The following SPON2 variants were observed in gnomAD, a reference collection of about 807,000 sequenced individuals.
The protein encoded by SPON2 is spondin-2.
Under a neutral mutation model 29.9 loss-of-function variants are expected in SPON2, and 32 were observed. That is an observed-to-expected ratio of 1.07 (90% confidence interval 0.81 to 1.44). The LOEUF is 1.44. Ranked by LOEUF, SPON2 falls within the 40% of genes most tolerant of loss-of-function variation. The pLI is 0.00. For missense variants in SPON2, 541 were observed against 455.5 expected, an observed-to-expected ratio of 1.19 and a Z score of -1.71; for synonymous variants, 248 against 209.1, an observed-to-expected ratio of 1.19 and a Z score of -1.61.
At chr4:1,183,197 G>A (rs961906297) in intron 1 of SPON2, among the ~76,000 whole-genome samples, 7 of 142,130 alleles carry the variant, frequency 4.9e-5, no homozygotes, top group African/African-American at 1.3e-4. Flanking sequence ...AGCAGAGATC[G>A]CACCACTGCA....
At chr4:1,172,140 A>G in intron 1 of SPON2, 66 bp from the exon 2 acceptor site, 1 of 1,436,430 alleles carries the variant, frequency 7.0e-7, no homozygotes. Flanking sequence ...TGGAAAGCCG[A>G]GAGGGCTGCG....
chr4:1,179,000 C>G (rs535258746), intron 2 of SPON2, among the ~76,000 whole-genome samples: 5 of 152,312 alleles, frequency 3.3e-5, no homozygotes, highest in South Asian at 2.1e-4. Flanking sequence ...ATTGGCAGAG[C>G]CTGAATCAGG....
rs1400465414 is a variant in SPON2 at position 1,171,063 on chromosome 4, G to T, written c.572C>A (p.Thr191Lys). 1 of 1,549,850 alleles carries T rather than the reference G, an allele frequency of 6.5e-7. No homozygotes were observed. The highest frequency in any genetic ancestry group is 2.0e-5 in the Admixed American group (1 of 50,764). ...ALDLYPYDAGTDSGFTFSSPN... is the reference protein window; with the variant it reads ...ALDLYPYDAGKDSGFTFSSPN... ...GGAGGAGAAGGTGAAGCCGCTGTCC[G>T]TCCCGGCGTCGTAGGGGTACAGGTC... Residue 191 changes from threonine (T) to lysine (K), a missense_variant, in exon 4 of 6, where the codon ACG becomes AAG. Physicochemically the swap from Thr to Lys is moderately conservative, Grantham distance 78. Transcript: ENST00000290902.
At chr4:1,193,988 G>A (rs1369305669) in intron 1 of SPON2, among the ~76,000 whole-genome samples, 4 of 151,908 alleles carry the variant, frequency 2.6e-5, no homozygotes, top group Non-Finnish European at 5.9e-5. Flanking sequence ...CCTCTTCTTT[G>A]GACGAGGCTG....
chr4:1,190,459 C>G (rs1727891633), intron 1 of SPON2, among the ~76,000 whole-genome samples: 1 of 152,148 alleles, frequency 6.6e-6, no homozygotes, highest in Non-Finnish European at 1.5e-5. Flanking sequence ...TACCCTGATA[C>G]CAAAACTAGA....
chr4:1,167,879 A>G (rs1727298763), intron 5 of SPON2: 1 of 468,190 alleles, frequency 2.1e-6, no homozygotes, highest in South Asian at 4.5e-5. Context: ...TTTCTACGTA[A>G]GAGCCGGAGC....
chr4:1,171,036 G>C lies in SPON2; in HGVS notation c.599C>G (p.Pro200Arg). 2 of 1,549,324 alleles carry C rather than the reference G, an allele frequency of 1.3e-6. No individual in the cohort carries two copies. Among genetic ancestry groups the C allele is most frequent in the Non-Finnish European group, 1.7e-6 (2 of 1,146,160 alleles). ...GTCCTGCGGGATGGTGGCGAAGTTG[G>C]GGGAGGAGAAGGTGAAGCCGCTGTC... ...GTDSGFTFSSPNFATIPQDTV... is the reference protein window; with the variant it reads ...GTDSGFTFSSRNFATIPQDTV... The change falls in exon 4 of 6, where the codon CCC becomes CGC. Residue 200 changes from proline (P) to arginine (R), a missense_variant. Transcript: ENST00000290902.
chr4:1,167,326 A>G lies in SPON2; in HGVS notation c.*146T>C. ...CGTGCCGGCCACCAGAGGGCCCTTC[A>G]GTGCAGAGATGGTCGGCGCGGCCTC... On this transcript the variant is annotated 3_prime_UTR_variant, in exon 6 of 6. Coordinates refer to ENST00000290902, the MANE Select transcript of SPON2 (RefSeq NM_012445.4). The G allele has an allele frequency of 3.9e-6, 3 of 771,838 alleles. No individual in the cohort carries two copies. Among genetic ancestry groups the G allele is most frequent in the Non-Finnish European group, 6.0e-6 (3 of 496,490 alleles). 47.8% of individuals were successfully genotyped at this position (771,838 alleles called of 1,614,324 possible). A position where few individuals can be genotyped will look rare whatever the true frequency, so the allele number is the denominator to read the frequency against.
intron 1 of SPON2, among the ~76,000 whole-genome samples, chr4:1,185,708 C>CCAAAAAAA (rs764779944): frequency 4.3e-5 from 3 of 69,648 alleles, no homozygotes; most frequent in Middle Eastern, 9.4e-3. Flanking sequence ...ACTCCATCTC[C>CCAAAAAAA]AAAAAAAAAA....
At chr4:1,181,801 T>A (rs1560206374) in intron 1 of SPON2, among the ~76,000 whole-genome samples, 1 of 152,250 alleles carries the variant, frequency 6.6e-6, no homozygotes, top group Non-Finnish European at 1.5e-5. Flanking sequence ...GGTGTTCTGA[T>A]TGCTGATTGC....
At chr4:1,197,369 C>A (rs936129838), upstream of SPON2, among the ~76,000 whole-genome samples, 3 of 152,134 alleles carry the variant, frequency 2.0e-5, no homozygotes, top group East Asian at 5.8e-4. Context: ...ACGGAAAGTG[C>A]CACCTCTTCC....
At chr4:1,191,463 ATGTATAAAATTGAT>A (rs1318965476) in intron 1 of SPON2, among the ~76,000 whole-genome samples, 1 of 152,178 alleles carries the variant, frequency 6.6e-6, no homozygotes, top group Admixed American at 6.5e-5. Context: ...AAAATTAACC[ATGTATAAAATTGAT>A]CAAAGACCTA....
At position 1,172,047 on chromosome 4, in the gene SPON2, C is replaced by T. The variant is rs1020275929; in HGVS notation, c.25G>A (p.Ala9Thr). MENPSPAA[A>T]LGKALCALLL... ...AGAGCGCAGAGGGCCTTGCCCAGGG[C>T]GGCGGCCGGGCTGGGGTTTTCCATC... Residue 9 changes from alanine to threonine, a missense_variant, in exon 2 of 6, where the codon GCC (alanine) becomes ACC (threonine). Ala to Thr is a moderately conservative substitution (Grantham distance 58). Coordinates refer to ENST00000290902, the MANE Select transcript of SPON2 (RefSeq NM_012445.4). The T allele has an allele frequency of 3.7e-6, 6 of 1,611,750 alleles. No homozygotes were observed. Among genetic ancestry groups the T allele is most frequent in the Admixed American group, 3.3e-5 (2 of 59,954 alleles).
At chr4:1,200,517 C>G in intron 1 of SPON2, 1 of 305,864 alleles carries the variant, frequency 3.3e-6, no homozygotes, top group Non-Finnish European at 6.4e-6. Context: ...AGCCTCTGCG[C>G]TTCTGCCTCC....
intron 2 of SPON2, among the ~76,000 whole-genome samples, chr4:1,178,949 C>T (rs1007907517): frequency 2.6e-5 from 4 of 152,166 alleles, no homozygotes; most frequent in African/African-American, 9.7e-5. Flanking sequence ...TGCCCACATG[C>T]CTCCATTCTG....
rs76624579 is a variant in SPON2 at position 1,181,636 on chromosome 4, A to G, written c.-238-2095T>C. 4.6e-5 allele frequency among the ~76,000 whole-genome samples: 7 copies of G among 152,318 alleles called. No individual in the cohort carries two copies. The East Asian group carries it at 1.3e-3, about 29-fold the overall frequency. On this transcript the variant is annotated intron_variant, in intron 1 of 3. Coordinates refer to the SPON2 transcript ENST00000502483. ...GCTTCCAGGAGTAGGTTTGGAGGCAAAATGCAGTTAATTTTGGCACAACAG... is the reference window on the plus strand; with the variant it reads ...GCTTCCAGGAGTAGGTTTGGAGGCAGAATGCAGTTAATTTTGGCACAACAG...
chr4:1,195,561 G>A (rs552988722), upstream of SPON2, among the ~76,000 whole-genome samples: 3 of 152,190 alleles, frequency 2.0e-5, no homozygotes, highest in South Asian at 6.2e-4. Flanking sequence ...CATGTGGGTA[G>A]GCACTGCCGC....
Position 1,170,397 on chromosome 4 carries a change from G to C in SPON2, c.811+5C>G, listed in dbSNP as rs199773178. 3.1e-6 allele frequency: 5 copies of C among 1,611,506 alleles called. No individual in the cohort carries two copies. In the Admixed American group the frequency reaches 6.8e-5, roughly 22 times the overall value. On this transcript the variant is annotated splice_donor_5th_base_variant and intron_variant, in intron 5 of 5. Coordinates refer to ENST00000290902, the MANE Select transcript of SPON2 (RefSeq NM_012445.4). ...TGTGTCCCATGTGACCTGTATGTCC[G>C]TTACCTGAGGCGCTGTCTACAATCT... is the stretch of plus-strand genomic sequence containing the variant.
chr4:1,170,514 C>T lies in SPON2; in HGVS notation c.699G>A (p.Leu233=), dbSNP rs752314464. 7.4e-6 allele frequency: 12 copies of T among 1,613,986 alleles called. No homozygotes were observed. Among genetic ancestry groups the T allele is most frequent in the Middle Eastern group, 1.7e-4 (1 of 6,060 alleles). The change falls in exon 5 of 6, where the codon CTG becomes CTA. Residue 233 remains leucine, a synonymous_variant. Coordinates refer to ENST00000290902, the MANE Select transcript of SPON2 (RefSeq NM_012445.4). The stretch of plus-strand genomic sequence containing the variant: ...CCAGTGTCACCCTGGCGATGGGAGG[C>T]AGGGCCTTCAGCCGCGGGTAGTAGA... ...NSFYYPRLKA[L]PPIARVTLVR...
Sources: allele counts gnomAD v4.1 joint callset (sites outside exome capture counted in the v4.1 genomes callset), GRCh38; gene constraint gnomAD v4.1.1; transcripts MANE v1.5; gene names NCBI Gene and HGNC (gene_info 2026-07-23, HGNC 2026-07-21).